The following GNA12 variants were observed in gnomAD, a reference collection of about 807,000 sequenced individuals.
GNA12 encodes the protein guanine nucleotide-binding protein subunit alpha-12.
GNA12 carries 9 observed loss-of-function variants against 26.0 expected under a neutral mutation model. The ratio of observed to expected loss-of-function variants is 0.35; its 90% CI spans 0.21 to 0.60. The LOEUF is 0.60. GNA12 is among the 20% of genes least tolerant of loss of function. GNA12 has a pLI of 0.78. For synonymous variants in GNA12, 264 were observed against 219.6 expected (o/e 1.20, Z -1.79); for missense variants, 405 against 525.8 (o/e 0.77, Z 2.25).
chr7:2,732,383 CAAG>C (rs1356791824), intron 3 of GNA12, among the ~76,000 whole-genome samples: 1 of 152,058 alleles, frequency 6.6e-6, no homozygotes, highest in African/African-American at 2.4e-5. Flanking sequence ...CCCATATTTA[CAAG>C]AAGTAAAAAC....
At chr7:2,780,093 T>TGA (rs1554259634) in intron 2 of GNA12, among the ~76,000 whole-genome samples, 10 of 130,140 alleles carry the variant, frequency 7.7e-5, no homozygotes, top group African/African-American at 2.7e-4. Flanking sequence ...TATATATATA[T>TGA]GCCTGTTTTC....
At chr7:2,818,625 T>C (rs769048807) in intron 1 of GNA12, among the ~76,000 whole-genome samples, 5 of 152,080 alleles carry the variant, frequency 3.3e-5, no homozygotes, top group Non-Finnish European at 5.9e-5. Context: ...TATTTGGGCA[T>C]GGTGGCGTAG....
intron 2 of GNA12, among the ~76,000 whole-genome samples, chr7:2,747,594 C>T (rs1296172925): frequency 3.3e-5 from 5 of 152,044 alleles, no homozygotes; most frequent in African/African-American, 1.2e-4. Flanking sequence ...GGAAGCATTC[C>T]CTTTGAAAAC....
chr7:2,801,266 GAA>G (rs1792802764), intron 1 of GNA12, among the ~76,000 whole-genome samples: 1 of 152,140 alleles, frequency 6.6e-6, no homozygotes, highest in African/African-American at 2.4e-5. Context: ...TTTTACAAAT[GAA>G]AAGTTTAGCT....
chr7:2,739,055 G>A (rs1790364199), intron 2 of GNA12, among the ~76,000 whole-genome samples: 1 of 152,236 alleles, frequency 6.6e-6, no homozygotes, highest in South Asian at 2.1e-4. Flanking sequence ...ACAACTGTAA[G>A]CTCAGGCTCC....
chr7:2,810,189 G>C (rs1222849769), intron 1 of GNA12, among the ~76,000 whole-genome samples: 1 of 152,216 alleles, frequency 6.6e-6, no homozygotes, highest in East Asian at 1.9e-4. Flanking sequence ...CAGTTCTGGA[G>C]GCTGGGACTC....
At chr7:2,823,855 ACT>A in intron 1 of GNA12, among the ~76,000 whole-genome samples, 1 of 152,154 alleles carries the variant, frequency 6.6e-6, no homozygotes, top group Non-Finnish European at 1.5e-5. Flanking sequence ...CTTTTCTAAG[ACT>A]CTTTTTCCCA....
chr7:2,759,947 G>A (rs1185394904), intron 2 of GNA12, among the ~76,000 whole-genome samples: 1 of 152,214 alleles, frequency 6.6e-6, no homozygotes, highest in African/African-American at 2.4e-5. Flanking sequence ...CAAGCAGGCT[G>A]TGTAGGCTGG....
At position 2,795,153 on chromosome 7, in the gene GNA12, AAAAG is replaced by A. The variant is rs777305261; in HGVS notation, c.310-14_310-11del. 2.2e-5 allele frequency: 35 copies of A among 1,601,834 alleles called. No homozygotes were observed. The highest frequency in any genetic ancestry group is 2.0e-4 in the Admixed American group (12 of 59,832). On this transcript the variant is annotated splice_polypyrimidine_tract_variant and intron_variant, in intron 1 of 3. Transcript: ENST00000275364. ...CAAGAACCCTTGAGCCCTAGAAAAT[AAAAG>A]AAAGAAGAGAGGATTTAATTGCATT...
chr7:2,758,271 T>C (rs1237514445), intron 2 of GNA12, among the ~76,000 whole-genome samples: 1 of 152,196 alleles, frequency 6.6e-6, no homozygotes, highest in Non-Finnish European at 1.5e-5. Context: ...CACACTGTAA[T>C]CCTAGCACTT....
At chr7:2,822,578 C>A (rs1175905262) in intron 1 of GNA12, among the ~76,000 whole-genome samples, 1 of 152,124 alleles carries the variant, frequency 6.6e-6, no homozygotes, top group Admixed American at 6.6e-5. Context: ...AAAAGGACTG[C>A]AAGCCCAGGG....
At chr7:2,742,746 C>A (rs532050752) in intron 2 of GNA12, among the ~76,000 whole-genome samples, 2 of 152,226 alleles carry the variant, frequency 1.3e-5, no homozygotes, top group Admixed American at 1.3e-4. Context: ...AGGTGATGCA[C>A]ATCTTCCCTT....
At chr7:2,793,483 G>A (rs1792572721) in intron 2 of GNA12, among the ~76,000 whole-genome samples, 1 of 152,140 alleles carries the variant, frequency 6.6e-6, no homozygotes. Flanking sequence ...GGACTTGGGA[G>A]AAGAATATAA....
At chr7:2,798,038 T>G (rs1792720860) in intron 1 of GNA12, among the ~76,000 whole-genome samples, 1 of 152,104 alleles carries the variant, frequency 6.6e-6, no homozygotes, top group Non-Finnish European at 1.5e-5. Context: ...GCTAACCTCA[T>G]AATTAATGTG....
chr7:2,733,348 C>A (rs1481360926), intron 3 of GNA12, 103 bp downstream of exon 3: 2 of 886,106 alleles, frequency 2.3e-6, no homozygotes, highest in South Asian at 2.8e-5. Flanking sequence ...ACAAGCTCGG[C>A]CTGTCAGTCC....
At chr7:2,822,966 C>T (rs1793402105) in intron 1 of GNA12, among the ~76,000 whole-genome samples, 1 of 152,182 alleles carries the variant, frequency 6.6e-6, no homozygotes, top group East Asian at 1.9e-4. Context: ...CTGCCCATTC[C>T]CTGGCCTCCC....
intron 2 of GNA12, among the ~76,000 whole-genome samples, chr7:2,787,071 C>A (rs563289270): frequency 9.2e-5 from 14 of 152,112 alleles, no homozygotes; most frequent in East Asian, 1.9e-4. Flanking sequence ...AAGCGGTGGG[C>A]TCCCCAGTAA....
chr7:2,728,334 C>T lies in GNA12; in HGVS notation c.*2847G>A, dbSNP rs1789713932. On this transcript the variant is annotated 3_prime_UTR_variant, in exon 4 of 4. Coordinates refer to ENST00000275364, the MANE Select transcript of GNA12 (RefSeq NM_007353.3). ...TTAGTTACAACTAATAATCTTCTTT[C>T]AAGAGTTTTTTTTTTCAATCTTGGA... 6.6e-6 allele frequency: 1 copy of T among 152,178 alleles called. No individual in the cohort carries two copies. The highest frequency in any genetic ancestry group is 1.5e-5 in the Non-Finnish European group (1 of 68,006). The allele number at this position is 152,178 out of a possible 1,614,324, so 9.4% of individuals were successfully genotyped here.
intron 1 of GNA12, among the ~76,000 whole-genome samples, chr7:2,807,779 G>A (rs538646668): frequency 5.1e-4 from 77 of 152,254 alleles, no homozygotes; most frequent in African/African-American, 1.7e-3. Context: ...CACCAAAAAC[G>A]CACTTGGACA....
Sources: gnomAD v4.1 joint callset for allele counts (sites outside exome capture counted in the v4.1 genomes callset) on GRCh38, gnomAD v4.1.1 for gene constraint, MANE v1.5 for transcripts, NCBI Gene and HGNC (gene_info 2026-07-23, HGNC 2026-07-21) for gene names.